CHD9: variants seen among roughly 807,000 people sequenced by gnomAD.
The protein encoded by CHD9 is ATP-dependent chromatin remodeler CHD9.
CHD9 carries 77 observed loss-of-function variants against 316.1 expected under a neutral mutation model. The observed-to-expected ratio is 0.24, with a 90% CI of 0.20 to 0.29. The LOEUF (loss-of-function observed/expected upper bound fraction) is 0.29. Among genes scored for constraint, CHD9 ranks in the 10% least tolerant of loss-of-function variants. The pLI, the probability that CHD9 is intolerant of heterozygous loss-of-function variation, is 1.00. For synonymous variants in CHD9, 1,129 were observed against 1,158.3 expected, an observed-to-expected ratio of 0.97 and a Z score of 0.51; for missense variants, 2,763 against 3,438.1, an observed-to-expected ratio of 0.80 and a Z score of 4.91.
chr16:53,273,862 G>T (rs1270809597), intron 23 of CHD9, 77 bp downstream of exon 23: 2 of 1,334,336 alleles, frequency 1.5e-6, no homozygotes, highest in Non-Finnish European at 2.1e-6. Flanking sequence ...TAAGCTTGCT[G>T]ATTTTGAGTA....
chr16:53,208,391 G>C, intron 2 of CHD9: 6 of 1,274,790 alleles, frequency 4.7e-6, no homozygotes, highest in Non-Finnish European at 6.1e-6. Context: ...GGGTTCTTTG[G>C]GCTAAAAGGC....
chr16:53,076,672 G>A (rs1166676882), intron 1 of CHD9, among the ~76,000 whole-genome samples: 1 of 151,684 alleles, frequency 6.6e-6, no homozygotes, highest in African/African-American at 2.4e-5. Flanking sequence ...TACTTGGGAG[G>A]CTAAGACAGG....
At chr16:53,284,805 G>A (rs1287591683) in intron 24 of CHD9, among the ~76,000 whole-genome samples, 4 of 152,062 alleles carry the variant, frequency 2.6e-5, no homozygotes, top group Non-Finnish European at 5.9e-5. Flanking sequence ...CATTCCCGCG[G>A]CCTGGGTTGG....
At chr16:53,303,381 G>T (rs192785048) in intron 30 of CHD9, among the ~76,000 whole-genome samples, 104 of 152,048 alleles carry the variant, frequency 6.8e-4, no homozygotes, top group African/African-American at 2.4e-3. Flanking sequence ...TAAATGCATC[G>T]CTCATAGGGA....
intron 7 of CHD9, 44 bp downstream of exon 7, chr16:53,227,647 C>T: frequency 1.8e-6 from 1 of 553,104 alleles, no homozygotes; most frequent in Non-Finnish European, 2.9e-6. Flanking sequence ...TGTTGATTTA[C>T]ATATAAATTA....
chr16:53,100,466 T>TTTTTTTC (rs1354082804), intron 1 of CHD9, among the ~76,000 whole-genome samples: 1 of 151,290 alleles, frequency 6.6e-6, no homozygotes, highest in Non-Finnish European at 1.5e-5. Context: ...TTTTTTTTTT[T>TTTTTTTC]TTTTCCAAAA....
At chr16:53,290,639 A>T (rs2054255842) in intron 27 of CHD9, among the ~76,000 whole-genome samples, 1 of 152,132 alleles carries the variant, frequency 6.6e-6, no homozygotes, top group South Asian at 2.1e-4. Flanking sequence ...AAATAAAAAA[A>T]AGATGACATT....
intron 24 of CHD9, among the ~76,000 whole-genome samples, chr16:53,277,568 G>A (rs1472034495): frequency 1.3e-5 from 2 of 152,076 alleles, no homozygotes; most frequent in South Asian, 2.1e-4. Context: ...AAAACTCTCA[G>A]CAAAATCAGC....
At chr16:53,077,772 A>G (rs889438004) in intron 1 of CHD9, among the ~76,000 whole-genome samples, 1 of 152,170 alleles carries the variant, frequency 6.6e-6, no homozygotes, top group Non-Finnish European at 1.5e-5. Context: ...CTTCTTCGGC[A>G]ATTTTGAAAT....
chr16:53,236,651 A>G (rs1212297025), intron 11 of CHD9, among the ~76,000 whole-genome samples: 1 of 15,418 alleles, frequency 6.5e-5, no homozygotes, highest in Admixed American at 6.7e-4. Flanking sequence ...CCCCCACCCC[A>G]ACTCCCCTGC....
Position 53,249,858 on chromosome 16 carries a change from T to C in CHD9, c.3666-13T>C. On this transcript the variant is annotated splice_polypyrimidine_tract_variant and intron_variant, in intron 16 of 38. Coordinates refer to ENST00000447540, the MANE Select transcript of CHD9 (RefSeq NM_001308319.2). The stretch of plus-strand genomic sequence containing the variant: ...TACTTATTTATGTAAATTTATTCCA[T>C]TTCATTCCATAGATACTTATATGAG... 1.3e-6 allele frequency: 2 copies of C among 1,595,444 alleles called. No homozygotes were observed. The highest frequency in any genetic ancestry group is 1.7e-6 in the Non-Finnish European group (2 of 1,163,136).
intron 36 of CHD9, 107 bp from the exon 37 acceptor site, chr16:53,318,105 C>A: frequency 3.6e-6 from 3 of 842,842 alleles, no homozygotes; most frequent in Non-Finnish European, 5.2e-6. Flanking sequence ...ATGTAAATAA[C>A]CAAAAGGTAA....
intron 1 of CHD9, among the ~76,000 whole-genome samples, chr16:53,116,971 G>A (rs1457192009): frequency 6.6e-6 from 1 of 152,128 alleles, no homozygotes; most frequent in African/African-American, 2.4e-5. Flanking sequence ...ACTAACTCAG[G>A]AACAGAAAAC....
intron 1 of CHD9, among the ~76,000 whole-genome samples, chr16:53,146,419 G>GTATGTGTATATATATATATA (rs59577921): frequency 9.1e-5 from 7 of 76,712 alleles, no homozygotes; most frequent in African/African-American, 2.4e-4. Flanking sequence ...GTGTGTGTAT[G>GTATGTGTATATATATATATA]TATATATATA....
At chr16:53,099,678 C>T (rs2036675914) in intron 1 of CHD9, among the ~76,000 whole-genome samples, 1 of 152,208 alleles carries the variant, frequency 6.6e-6, no homozygotes, top group African/African-American at 2.4e-5. Flanking sequence ...TCGGCTCCAC[C>T]CCTTCCCTTC....
intron 1 of CHD9, among the ~76,000 whole-genome samples, chr16:53,129,221 C>T (rs1431868214): frequency 2.0e-5 from 3 of 152,186 alleles, no homozygotes; most frequent in Non-Finnish European, 2.9e-5. Flanking sequence ...GGAGGCCGCT[C>T]AAGTTTTTCA....
intron 3 of CHD9, among the ~76,000 whole-genome samples, chr16:53,216,724 T>C (rs1459252714): frequency 6.6e-6 from 1 of 152,238 alleles, no homozygotes; most frequent in Non-Finnish European, 1.5e-5. Context: ...GAGTTTTCTA[T>C]ACTAATTTTT....
chr16:53,083,186 C>G (rs1365071134), intron 1 of CHD9, among the ~76,000 whole-genome samples: 1 of 152,202 alleles, frequency 6.6e-6, no homozygotes, highest in East Asian at 1.9e-4. Flanking sequence ...AACACTTCCA[C>G]CAAAATGGCT....
At chr16:53,301,281 TA>T (rs547690139) in intron 30 of CHD9, among the ~76,000 whole-genome samples, 28 of 151,124 alleles carry the variant, frequency 1.9e-4, no homozygotes, top group South Asian at 2.1e-4. Context: ...AATGCTTTGT[TA>T]AAAAAAAATG....
Sources: allele counts gnomAD v4.1 joint callset (sites outside exome capture counted in the v4.1 genomes callset), GRCh38; gene constraint gnomAD v4.1.1; transcripts MANE v1.5; gene names NCBI Gene and HGNC (gene_info 2026-07-23, HGNC 2026-07-21).